The following SPATA20 variants were observed in gnomAD, a reference collection of about 807,000 sequenced individuals.
The protein encoded by SPATA20 is spermatogenesis-associated protein 20.
Under a neutral mutation model 98.9 loss-of-function variants are expected in SPATA20, and 74 were observed. The ratio of observed to expected loss-of-function variants is 0.75; its 90% confidence interval spans 0.62 to 0.91. The LOEUF is 0.91. Ranked by LOEUF, SPATA20 falls within the 40% of genes least tolerant of loss-of-function variation. The pLI is 0.00. For synonymous variants in SPATA20, 430 were observed against 440.5 expected (o/e 0.98, Z 0.30); for missense variants, 1,016 against 1,069.8 (o/e 0.95, Z 0.70).
rs1214273323 is a variant in SPATA20, at chr17:50,549,111, G to A, written c.585G>A (p.Gly195=). 4 of 1,613,122 alleles carry A rather than the reference G, an allele frequency of 2.5e-6. No individual in the cohort carries two copies. Among genetic ancestry groups the A allele is most frequent in the African/African-American group, 2.7e-5 (2 of 74,902 alleles). ...WLTPNLQPFV[G]GTYFPPEDGL... ...CTCCCAACCTCCAGCCCTTTGTCGG[G>A]GGCACCTATTTCCCTCCTGAGGATG... The change falls in exon 6 of 17, where the codon GGG becomes GGA. Residue 195 remains glycine (G), a synonymous_variant. Transcript: ENST00000006658.
At chr17:50,551,378 T>G in intron 12 of SPATA20, 133 bp from the exon 13 acceptor site, 1 of 1,272,154 alleles carries the variant, frequency 7.9e-7, no homozygotes, top group Non-Finnish European at 1.1e-6. Flanking sequence ...CCCCGCCATG[T>G]CTGGCTTTGG....
intron 9 of SPATA20, 26 bp from the exon 10 acceptor site, chr17:50,550,510 A>G (rs543530876): frequency 1.2e-6 from 2 of 1,610,222 alleles, no homozygotes; most frequent in East Asian, 4.5e-5. Flanking sequence ...CTCTCTGTTC[A>G]CAGTCTCCTT....
chr17:50,547,460 C>T, intron 1 of SPATA20, 175 bp downstream of exon 1: 1 of 627,266 alleles, frequency 1.6e-6, no homozygotes, highest in Non-Finnish European at 2.8e-6. Flanking sequence ...GTAAGGCCCT[C>T]CTCCCCTCCT....
chr17:50,554,283 G>A lies in SPATA20; in HGVS notation c.1990G>A (p.Val664Met), dbSNP rs200274697. Residue 664 changes from valine (V) to methionine (M), a missense_variant, in exon 15 of 17, where the codon GTG (valine) becomes ATG (methionine). Val to Met is a conservative substitution (Grantham distance 21, BLOSUM62 1). Transcript: ENST00000006658. ...TGGAGCAGAGCCCAGCGCCAATTCC[G>A]TGTCAGCCCACAACCTGCTCCGGCT... ...QDGAEPSANSVSAHNLLRLHG... is the reference protein window; with the variant it reads ...QDGAEPSANSMSAHNLLRLHG... 3.0e-5 allele frequency: 48 copies of A among 1,614,152 alleles called. No individual in the cohort carries two copies. The highest frequency in any genetic ancestry group is 8.3e-5 in the Admixed American group (5 of 60,032).
chr17:50,555,114 T>G, intron 15 of SPATA20, 118 bp from the exon 16 acceptor site: 1 of 754,346 alleles, frequency 1.3e-6, no homozygotes, highest in Middle Eastern at 2.5e-4. Flanking sequence ...CTGAGATGAG[T>G]CCCTGTTCCT....
rs765050758 is a variant in SPATA20, at chr17:50,549,242, C to T, written c.661-44C>T. The T allele has an allele frequency of 1.9e-6, 3 of 1,599,540 alleles. No homozygotes were observed. The African/African-American group carries it at 4.0e-5, about 21-fold the overall frequency. On this transcript the variant is annotated intron_variant, in intron 6 of 16. Transcript: ENST00000006658. ...GGGTGGGGGACTAGGAAACAAGAGC[C>T]CCTCCCCCTAGCTGACCTCCAGGTG...
chr17:50,551,892 C>G, intron 13 of SPATA20, 77 bp from the exon 14 acceptor site: 2 of 1,365,900 alleles, frequency 1.5e-6, no homozygotes, highest in Non-Finnish European at 2.0e-6. Context: ...TGAACAAATG[C>G]GTGAAAGGGC....
Position 50,552,755 on chromosome 17 carries a change from T to C in SPATA20, c.1957+575T>C, listed in dbSNP as rs147970889. On this transcript the variant is annotated intron_variant, in intron 14 of 16. Transcript: ENST00000006658. The stretch of plus-strand genomic sequence containing the variant: ...TTTTTGTAGAGATGGGATTTCTCCA[T>C]GTTGCCCAGGCTGGTCTGAAACTAC... Among the ~76,000 whole-genome samples the C allele has an allele frequency of 5.1e-3, 768 of 151,664 alleles. 9 individuals are homozygous for C. Among genetic ancestry groups the C allele is most frequent in the African/African-American group, 0.018 (736 of 41,352 alleles).
chr17:50,555,114 T>A, intron 15 of SPATA20, 118 bp from the exon 16 acceptor site: 1 of 754,346 alleles, frequency 1.3e-6, no homozygotes, highest in East Asian at 2.7e-5. Context: ...CTGAGATGAG[T>A]CCCTGTTCCT....
In SPATA20 at chr17:50,547,252, C is replaced by A; in HGVS notation, c.44C>A (p.Pro15His). ...TGGTTGGGCCGCGTCCTTCTGCTGC[C>A]CCGCGCCGGTGCAGGCCTCGCCGCG... ...RAWLGRVLLL[P>H]RAGAGLAASR... is the part of the protein sequence containing the mutation. The change falls in exon 1 of 17, where the codon CCC becomes CAC. Residue 15 changes from proline to histidine, a missense_variant. Coordinates refer to ENST00000006658, the MANE Select transcript of SPATA20 (RefSeq NM_022827.4). 7.1e-7 allele frequency: 1 copy of A among 1,399,656 alleles called. No individual in the cohort carries two copies. The allele number at this position is 1,399,656 out of a possible 1,614,324, so 86.7% of individuals were successfully genotyped here. A position where few individuals can be genotyped will look rare whatever the true frequency, so the allele number is the denominator to read the frequency against.
rs747596333 is a variant in SPATA20, at chr17:50,548,442, T to C, written c.285T>C (p.Asn95=). The C allele has an allele frequency of 1.2e-6, 2 of 1,613,736 alleles. No individual in the cohort carries two copies. Among genetic ancestry groups the C allele is most frequent in the Non-Finnish European group, 1.7e-6 (2 of 1,179,906 alleles). ...KSPYLLQHAY[N]PVDWYPWGQE... ...CATACCTCCTACAACATGCCTACAA[T>C]CCTGTGGACTGGTGAGCACCTCTCC... Residue 95 remains asparagine (N), a synonymous_variant, in exon 3 of 17, where the codon AAT becomes AAC. Transcript: ENST00000006658.
rs376560406 is a variant in SPATA20, at chr17:50,548,486, C to T, written c.296+33C>T. The stretch of plus-strand genomic sequence containing the variant: ...CCTCTCCTGGGGCCCTGCCTGGAAT[C>T]GCTGGGGTCCTGGGCCCCTCCCAGA... On this transcript the variant is annotated intron_variant, in intron 3 of 16. Transcript: ENST00000006658. 1.6e-5 allele frequency: 26 copies of T among 1,613,364 alleles called. No individual in the cohort carries two copies. The African/African-American group carries it at 2.1e-4, about 13-fold the overall frequency.
In SPATA20 at chr17:50,548,230, G is replaced by A. The variant is rs1399299183; in HGVS notation, c.126-53G>A. 4 of 1,590,728 alleles carry A rather than the reference G, an allele frequency of 2.5e-6. No homozygotes were observed. In the Admixed American group the frequency reaches 5.2e-5, roughly 21 times the overall value. Reference sequence around the variant, plus strand: ...AAATGGAGCAGGTGCTGGGGGGCCTGGGAGAAGGTGGGTGGAGGCCCCTGG... The same window carrying A: ...AAATGGAGCAGGTGCTGGGGGGCCTAGGAGAAGGTGGGTGGAGGCCCCTGG... On this transcript the variant is annotated intron_variant, in intron 2 of 16. Transcript: ENST00000006658.
chr17:50,551,428 T>C (rs1018150923), intron 12 of SPATA20, 83 bp from the exon 13 acceptor site: 62 of 1,422,652 alleles, frequency 4.4e-5, no homozygotes, highest in Non-Finnish European at 5.8e-5. Context: ...TCCAGGGAGG[T>C]GTTGGGGCCT....
At chr17:50,548,661 G>C in intron 4 of SPATA20, 43 bp downstream of exon 4, 1 of 1,604,414 alleles carries the variant, frequency 6.2e-7, no homozygotes, top group Non-Finnish European at 8.5e-7. Context: ...TGGGCAGGGA[G>C]TGGCAGTGGA....
Position 50,550,025 on chromosome 17 carries a change from A to G in SPATA20, c.903A>G (p.Arg301=). 1 of 1,581,200 alleles carries G rather than the reference A, an allele frequency of 6.3e-7. No homozygotes were observed. The highest frequency in any genetic ancestry group is 8.6e-7 in the Non-Finnish European group (1 of 1,157,684). The change falls in exon 8 of 17, where the codon CGA becomes CGG. Residue 301 remains arginine, a synonymous_variant. Transcript: ENST00000006658. ...TGTTCTCCTACTGGCTCAGCCATCG[A>G]CTGACTCAGGATGGCTCTCGGGCCC... The part of the protein sequence containing the change: ...SFLFSYWLSH[R]LTQDGSRAQQ...
chr17:50,554,385 C>T lies in SPATA20; in HGVS notation c.2092C>T (p.Arg698Cys). 8.1e-6 allele frequency: 13 copies of T among 1,614,104 alleles called. No individual in the cohort carries two copies. Among genetic ancestry groups the T allele is most frequent in the East Asian group, 2.2e-5 (1 of 44,888 alleles). Reference sequence around the variant, plus strand: ...GACCGCCTTTTCCGAGCGCATGCGTCGTGTCCCGGTGGCGTTGCCCGAGAT... The same window carrying T: ...GACCGCCTTTTCCGAGCGCATGCGTTGTGTCCCGGTGGCGTTGCCCGAGAT... The part of the protein sequence containing the change: ...LLTAFSERMR[R>C]VPVALPEMVR... Residue 698 changes from arginine to cysteine, a missense_variant, in exon 15 of 17, where the codon CGT becomes TGT. Transcript: ENST00000006658.
rs771045571 is a variant in SPATA20, at chr17:50,552,083, G to C, written c.1860G>C (p.Gln620His). ...GGCTCGAGTGGGCTCTGCGGCTGCA[G>C]GACACACAGGACAAGCTCTTTTGGG... ...SAWLEWALRLQDTQDKLFWDS... is the reference protein window; with the variant it reads ...SAWLEWALRLHDTQDKLFWDS... The change falls in exon 14 of 17, where the codon CAG becomes CAC. Residue 620 changes from glutamine to histidine, a missense_variant. Physicochemically the swap from Gln to His is conservative, Grantham distance 24. Transcript: ENST00000006658. The C allele has an allele frequency of 3.1e-6, 5 of 1,613,866 alleles. No homozygotes were observed. Among genetic ancestry groups the C allele is most frequent in the South Asian group, 2.2e-5 (2 of 91,082 alleles).
chr17:50,555,499 T>C lies in SPATA20; in HGVS notation c.2246T>C (p.Ile749Thr). ...GCTCTGCTGCTGCCCTAGGTGCTGATTCTGGCTGATGGGGACCCCTCGAGC... is the reference window on the plus strand; with the variant it reads ...GCTCTGCTGCTGCCCTAGGTGCTGACTCTGGCTGATGGGGACCCCTCGAGC... ...HSVYIPNKVL[I>T]LADGDPSSFL... Residue 749 changes from isoleucine to threonine, a missense_variant, in exon 17 of 17, where the codon ATT (isoleucine) becomes ACT (threonine). Coordinates refer to ENST00000006658, the MANE Select transcript of SPATA20 (RefSeq NM_022827.4). The C allele has an allele frequency of 1.9e-6, 3 of 1,613,962 alleles. No individual in the cohort carries two copies. Among genetic ancestry groups the C allele is most frequent in the Non-Finnish European group, 2.5e-6 (3 of 1,179,956 alleles).
Sources: gnomAD v4.1 joint callset for allele counts (sites outside exome capture counted in the v4.1 genomes callset) on GRCh38, gnomAD v4.1.1 for gene constraint, MANE v1.5 for transcripts, NCBI Gene and HGNC (gene_info 2026-07-23, HGNC 2026-07-21) for gene names.